The following MCF2L variants were observed in gnomAD, a reference collection of about 807,000 sequenced individuals.
MCF2L encodes the protein guanine nucleotide exchange factor DBS.
A neutral mutation model predicts 153.4 loss-of-function variants in MCF2L; 97 were observed. That is an observed-to-expected ratio of 0.63 (90% confidence interval 0.54 to 0.75). The LOEUF (loss-of-function observed/expected upper bound fraction) is 0.75, where lower values mean the gene tolerates loss of function less well. Ranked by LOEUF, MCF2L falls within the 30% of genes least tolerant of loss-of-function variation. MCF2L has a pLI of 0.00. For synonymous variants in MCF2L, 659 were observed against 632.2 expected (o/e 1.04, Z -0.64); for missense variants, 1,347 against 1,495.2 (o/e 0.90, Z 1.64).
intron 2 of MCF2L, among the ~76,000 whole-genome samples, chr13:112,930,266 T>G (rs2081448305): frequency 6.6e-6 from 1 of 152,228 alleles, no homozygotes; most frequent in Admixed American, 6.5e-5. Flanking sequence ...GGAGCTTTAT[T>G]CACAAGCACT....
chr13:113,090,019 G>T, intron 26 of MCF2L: 1 of 1,598,936 alleles, frequency 6.3e-7, no homozygotes, highest in Non-Finnish European at 8.5e-7. Context: ...ACCCGCCTCC[G>T]CATCGGGTTG....
chr13:113,078,878 A>T (rs1025817378), intron 15 of MCF2L, 139 bp downstream of exon 15: 4 of 817,922 alleles, frequency 4.9e-6, no homozygotes, highest in Non-Finnish European at 3.8e-6. Flanking sequence ...TTTTGCACCA[A>T]CCGATACCCA....
chr13:113,051,005 T>A (rs1400879187), intron 4 of MCF2L, among the ~76,000 whole-genome samples: 2 of 150,978 alleles, frequency 1.3e-5, no homozygotes, highest in Non-Finnish European at 3.0e-5. Context: ...AAATGCGCGC[T>A]GCATAACTGC....
Position 113,070,067 on chromosome 13 carries a change from C to T in MCF2L, c.890C>T (p.Ala297Val). 6.2e-7 allele frequency: 1 copy of T among 1,608,798 alleles called. No individual in the cohort carries two copies. Among genetic ancestry groups the T allele is most frequent in the Non-Finnish European group, 8.5e-7 (1 of 1,177,916 alleles). ...DNQATVQRLL[A>V]QLNETEAAFD... ...CTCCTCCTCTTTCCCAGGCTCCTGG[C>T]CCAGCTGAACGAAACCGAGGCTGCC... The change falls in exon 9 of 30, where the codon GCC becomes GTC. Residue 297 changes from alanine (A) to valine (V), a missense_variant. Around this residue, in one of 3 missense-constraint regions of MCF2L, gnomAD observed 820 missense variants for 921.2 expected, o/e 0.89. Transcript: ENST00000535094. This position sits in a 1 kb window ranked among gnomAD's most constrained non-coding sequence, Gnocchi z 5.6.
Position 112,951,968 on chromosome 13 carries a change from G to A in MCF2L, c.169+49597G>A, listed in dbSNP as rs756402336. 5.3e-5 allele frequency among the ~76,000 whole-genome samples: 8 copies of A among 152,204 alleles called. No individual in the cohort carries two copies. The highest frequency in any genetic ancestry group is 1.7e-4 in the African/African-American group (7 of 41,458). ...GGGCTTTACCAATATGTAGAATCACGTGAAGTGGGAAGAGGGAAAAGGGCT... is the reference window on the plus strand; with the variant it reads ...GGGCTTTACCAATATGTAGAATCACATGAAGTGGGAAGAGGGAAAAGGGCT... On this transcript the variant is annotated intron_variant, in intron 2 of 29. Transcript: ENST00000375608. The surrounding 1 kb of genome is among the most constrained non-coding windows in gnomAD (Gnocchi z 4.8).
At chr13:112,953,876 CT>C (rs1248641365) in intron 2 of MCF2L, among the ~76,000 whole-genome samples, 1 of 152,220 alleles carries the variant, frequency 6.6e-6, no homozygotes, top group Admixed American at 6.5e-5. Context: ...TGCCAGGGCC[CT>C]GCTGTGGGCA....
chr13:113,047,262 G>A lies in MCF2L; in HGVS notation c.369+1901G>A, dbSNP rs866015039. 2.6e-5 allele frequency: 4 copies of A among 152,336 alleles called. No individual in the cohort carries two copies. The Middle Eastern group carries it at 0.01, about 386-fold the overall frequency. The allele number at this position is 152,336 out of a possible 1,614,324, so 9.4% of individuals were successfully genotyped here. A position where few individuals can be genotyped will look rare whatever the true frequency, so the allele number is the denominator to read the frequency against. ...GGAATCGCATTTCAACATGAGACTTGGAGGGGACAAAAATCCCATCCATAT... is the reference window on the plus strand; with the variant it reads ...GGAATCGCATTTCAACATGAGACTTAGAGGGGACAAAAATCCCATCCATAT... On this transcript the variant is annotated intron_variant, in intron 4 of 29. Coordinates refer to ENST00000535094, the MANE Select transcript of MCF2L (RefSeq NM_001112732.3).
At chr13:112,972,780 C>G (rs371791018) in intron 1 of MCF2L, among the ~76,000 whole-genome samples, 1 of 222 alleles carries the variant, frequency 4.5e-3, no homozygotes, top group Non-Finnish European at 7.6e-3. Flanking sequence ...GGGATGGATG[C>G]ATAGATGAGT....
At chr13:113,090,926 T>G in intron 26 of MCF2L, 7 of 1,193,192 alleles carry the variant, frequency 5.9e-6, no homozygotes, top group Non-Finnish European at 7.4e-6. Context: ...TCCCATGCCC[T>G]CCCGGCCCCT....
At chr13:112,936,279 CAAAAAAAAAAAA>C (rs34826552) in intron 2 of MCF2L, among the ~76,000 whole-genome samples, 2 of 74,280 alleles carry the variant, frequency 2.7e-5, no homozygotes, top group African/African-American at 1.1e-4. Flanking sequence ...GACTCTGTCT[CAAAAAAAAAAAA>C]AAAAAAAAAA....
chr13:112,979,481 C>T (rs537155882), intron 1 of MCF2L: 5 of 1,427,708 alleles, frequency 3.5e-6, no homozygotes, highest in East Asian at 2.6e-5. Context: ...TGTGAGTTGG[C>T]GAAGCCCAGA....
intron 3 of MCF2L, among the ~76,000 whole-genome samples, chr13:113,030,187 G>T (rs1050513948): frequency 1.3e-5 from 2 of 152,152 alleles, no homozygotes; most frequent in Non-Finnish European, 2.9e-5. Context: ...GGGTGAGCTC[G>T]TGCTTTGCTG....
chr13:112,959,045 C>T (rs71446671), intron 2 of MCF2L, among the ~76,000 whole-genome samples: 29,578 of 152,196 alleles, frequency 0.19, 3,128 homozygotes, highest in Non-Finnish European at 0.22. Context: ...ACAGAATGAG[C>T]GTCGCATCCC....
At chr13:112,923,215 G>C (rs994738713) in intron 2 of MCF2L, among the ~76,000 whole-genome samples, 1 of 150,072 alleles carries the variant, frequency 6.7e-6, no homozygotes, top group African/African-American at 2.4e-5. Flanking sequence ...GTACGTGACA[G>C]ACAGGCTACC....
intron 2 of MCF2L, among the ~76,000 whole-genome samples, chr13:112,931,406 G>A (rs2081462233): frequency 1.3e-5 from 2 of 152,244 alleles, no homozygotes; most frequent in African/African-American, 4.8e-5. Flanking sequence ...GAGCGATTAG[G>A]TGAGCAGCTG....
intron 2 of MCF2L, among the ~76,000 whole-genome samples, chr13:112,913,172 GTGTC>G (rs75295413): frequency 0.15 from 22,821 of 150,298 alleles, 2,079 homozygotes; most frequent in Middle Eastern, 0.28. Flanking sequence ...TGTATGGGGT[GTGTC>G]TGTGTGATTG....
chr13:112,906,620 G>A lies in MCF2L; in HGVS notation c.169+4249G>A, dbSNP rs150869928. Among the ~76,000 whole-genome samples, 287 of 152,368 alleles carry A rather than the reference G, an allele frequency of 1.9e-3. 3 individuals are homozygous for A. Among genetic ancestry groups the A allele is most frequent in the African/African-American group, 6.7e-3 (278 of 41,580 alleles). ...TGAGTGCGTGGTCTTGCTTTTCAGT[G>A]GTGCGTAATGCGTTCTGGCTCTGGT... On this transcript the variant is annotated intron_variant, in intron 2 of 29. Transcript: ENST00000375608.
At chr13:112,965,488 T>C (rs1338414481), upstream of MCF2L, 2 of 152,274 alleles carry the variant, frequency 1.3e-5, no homozygotes, top group African/African-American at 4.8e-5. Context: ...CCTGACATGC[T>C]GGGTGTTGTC....
intron 5 of MCF2L, among the ~76,000 whole-genome samples, chr13:113,061,270 C>T (rs550313873): frequency 3.0e-4 from 45 of 152,302 alleles, no homozygotes; most frequent in Admixed American, 1.1e-3. Flanking sequence ...ACACTGCCCA[C>T]TGAGAAAGCA....
Sources: gnomAD v4.1 joint callset for allele counts (sites outside exome capture counted in the v4.1 genomes callset) on GRCh38, gnomAD v4.1.1 for gene constraint, gnomAD v4.1.1 regional missense constraint, Gnocchi (gnomAD v3.1) non-coding constraint, MANE v1.5 for transcripts, NCBI Gene and HGNC (gene_info 2026-07-23, HGNC 2026-07-21) for gene names.